Variants in DPH6 observed in about 807,000 individuals in gnomAD.
DPH6 encodes diphthine--ammonia ligase.
In DPH6, 33 loss-of-function variants were observed where a neutral mutation model predicts 38.2. The ratio of observed to expected loss-of-function variants is 0.86; its 90% confidence interval spans 0.65 to 1.15. The LOEUF (loss-of-function observed/expected upper bound fraction) is 1.15, where lower values mean the gene tolerates loss of function less well. DPH6 is among the 50% of genes most tolerant of loss of function. The pLI is 0.00. For synonymous variants in DPH6, 108 were observed against 103.0 expected (o/e 1.05, Z -0.30); for missense variants, 325 against 320.0 (o/e 1.02, Z -0.12).
At chr15:35,271,772 A>G (rs190846788) in intron 3 of DPH6, among the ~76,000 whole-genome samples, 228 of 152,340 alleles carry the variant, frequency 1.5e-3, no homozygotes, top group Middle Eastern at 3.4e-3. Context: ...TAAGAATCAG[A>G]GAAAGCTACG....
intron 3 of DPH6, among the ~76,000 whole-genome samples, chr15:35,291,712 G>A (rs1404823801): frequency 1.3e-5 from 2 of 152,124 alleles, no homozygotes; most frequent in Non-Finnish European, 2.9e-5. Context: ...TGATATCTTA[G>A]GCTTAAGGTG....
intron 3 of DPH6, among the ~76,000 whole-genome samples, chr15:35,276,972 A>G (rs2051863501): frequency 6.6e-6 from 1 of 152,024 alleles, no homozygotes; most frequent in Non-Finnish European, 1.5e-5. Flanking sequence ...AAGAAAGATG[A>G]TGATATTTTG....
At position 35,397,866 on chromosome 15, in the gene DPH6, T is replaced by TAC. The variant is rs137888416; in HGVS notation, c.567+12968_567+12969insGT. Among the ~76,000 whole-genome samples, 690 of 88,882 alleles carry TAC rather than the reference T, an allele frequency of 7.8e-3. 11 individuals are homozygous for TAC. Among genetic ancestry groups the TAC allele is most frequent in the African/African-American group, 0.03 (636 of 21,504 alleles). 58.3% of individuals were successfully genotyped at this position (88,882 alleles called of 152,430 possible). A position where few individuals can be genotyped will look rare whatever the true frequency, so the allele number is the denominator to read the frequency against. Reference sequence around the variant, plus strand: ...AAAATAGATGGAATCAATTTATATATATACACACACACACACACACACACA... The same window carrying TAC: ...AAAATAGATGGAATCAATTTATATATACATACACACACACACACACACACACA... On this transcript the variant is annotated intron_variant, in intron 6 of 8. Transcript: ENST00000256538.
intron 3 of DPH6, among the ~76,000 whole-genome samples, chr15:35,498,452 T>G (rs1435948391): frequency 6.6e-6 from 1 of 152,062 alleles, no homozygotes; most frequent in Non-Finnish European, 1.5e-5. Context: ...AAAAACAGAT[T>G]TTTGCACAGA....
intron 6 of DPH6, among the ~76,000 whole-genome samples, chr15:35,400,214 C>T (rs2053198776): frequency 6.6e-6 from 1 of 152,032 alleles, no homozygotes. Context: ...ATTATTCACT[C>T]AAGAGAAAAA....
At chr15:35,472,263 G>A (rs2054208075) in intron 3 of DPH6, among the ~76,000 whole-genome samples, 1 of 152,168 alleles carries the variant, frequency 6.6e-6, no homozygotes, top group Non-Finnish European at 1.5e-5. Flanking sequence ...GACAGTGAAG[G>A]AACACACGGA....
intron 1 of DPH6, among the ~76,000 whole-genome samples, chr15:35,543,793 A>G (rs1038207100): frequency 7.2e-5 from 11 of 152,196 alleles, no homozygotes; most frequent in Admixed American, 7.2e-4. Context: ...CGGTATCCCC[A>G]TAAGTAGGTC....
chr15:35,218,287 C>T (rs905497454), exon 4 of DPH6: 1 of 152,172 alleles, frequency 6.6e-6, no homozygotes, highest in Non-Finnish European at 1.5e-5. Flanking sequence ...GAACGAAACA[C>T]CTTTTTCTAA....
intron 3 of DPH6, among the ~76,000 whole-genome samples, chr15:35,484,960 T>C (rs913622595): frequency 3.3e-5 from 5 of 152,168 alleles, no homozygotes; most frequent in Admixed American, 2.6e-4. Context: ...ATTTAGCAAG[T>C]TTTTTAGAAA....
At position 35,467,008 on chromosome 15, in the gene DPH6, T is replaced by C. The variant is rs181961949; in HGVS notation, c.313-12188A>G. Among the ~76,000 whole-genome samples the C allele has an allele frequency of 8.0e-4, 122 of 152,248 alleles. 1 individual carries two copies. The highest frequency in any genetic ancestry group is 2.9e-3 in the African/African-American group (120 of 41,542). The stretch of plus-strand genomic sequence containing the variant: ...CCTAGGACATTACTGTACACTAATG[T>C]AGATTATAAACATGGTATGTTTTAG... On this transcript the variant is annotated intron_variant, in intron 3 of 8. Coordinates refer to ENST00000256538, the MANE Select transcript of DPH6 (RefSeq NM_080650.4).
the DPH6 span, among the ~76,000 whole-genome samples, chr15:35,149,031 G>C: frequency 6.6e-6 from 1 of 151,958 alleles, no homozygotes; most frequent in Non-Finnish European, 1.5e-5. Context: ...ATCCTGCTCA[G>C]GGAATACTTC....
At chr15:35,401,703 C>T (rs1399953675) in intron 6 of DPH6, 17 of 732,366 alleles carry the variant, frequency 2.3e-5, no homozygotes, top group Middle Eastern at 3.7e-4. Context: ...TGCCAAACCA[C>T]GACACCAAGG....
At position 35,439,925 on chromosome 15, in the gene DPH6, T is replaced by A. The variant is rs542881725; in HGVS notation, c.505+10760A>T. Among the ~76,000 whole-genome samples, 7 of 152,342 alleles carry A rather than the reference T, an allele frequency of 4.6e-5. No individual in the cohort carries two copies. The East Asian group carries it at 1.3e-3, about 29-fold the overall frequency. On this transcript the variant is annotated intron_variant, in intron 5 of 8. Coordinates refer to ENST00000256538, the MANE Select transcript of DPH6 (RefSeq NM_080650.4). ...AGCCAAGTATGAGACTAAAGTTATT[T>A]TGCAAACAACTCAATCCTATTATGC...
intron 5 of DPH6, among the ~76,000 whole-genome samples, chr15:35,436,410 G>A (rs1231668040): frequency 6.6e-6 from 1 of 151,210 alleles, no homozygotes; most frequent in African/African-American, 2.4e-5. Context: ...AGCTTGCAAT[G>A]AGCCGAGATG....
chr15:35,402,968 T>C (rs919887359), intron 6 of DPH6, among the ~76,000 whole-genome samples: 40 of 152,238 alleles, frequency 2.6e-4, no homozygotes, highest in Admixed American at 1.0e-3. Context: ...AATACAAATA[T>C]GATTAAAATC....
intron 6 of DPH6, among the ~76,000 whole-genome samples, chr15:35,391,106 A>T (rs1221901813): frequency 6.6e-6 from 1 of 152,088 alleles, no homozygotes; most frequent in East Asian, 1.9e-4. Context: ...CTGGAGGTCC[A>T]CTCCAGACCC....
chr15:35,405,226 T>G (rs932959743), intron 6 of DPH6, among the ~76,000 whole-genome samples: 1 of 152,088 alleles, frequency 6.6e-6, no homozygotes, highest in Non-Finnish European at 1.5e-5. Flanking sequence ...TTAGGATTTT[T>G]TTTTTACTAT....
chr15:35,436,668 C>T (rs1336024883), intron 5 of DPH6, among the ~76,000 whole-genome samples: 1 of 151,960 alleles, frequency 6.6e-6, no homozygotes, highest in Non-Finnish European at 1.5e-5. Context: ...CTTTCCTCCA[C>T]CCTGTCAGCA....
chr15:35,268,342 G>C (rs1324151873), intron 3 of DPH6, among the ~76,000 whole-genome samples: 1 of 152,036 alleles, frequency 6.6e-6, no homozygotes, highest in Non-Finnish European at 1.5e-5. Context: ...GGCAACTGCA[G>C]TAGTGCAGAT....
Sources: allele counts gnomAD v4.1 joint callset (sites outside exome capture counted in the v4.1 genomes callset), GRCh38; gene constraint gnomAD v4.1.1; transcripts MANE v1.5; gene names NCBI Gene and HGNC (gene_info 2026-07-23, HGNC 2026-07-21).